The following CHD6 variants were observed in gnomAD, a reference collection of about 807,000 sequenced individuals.
CHD6 encodes the protein ATP-dependent chromatin remodeler CHD6.
CHD6 carries 50 observed loss-of-function variants against 276.9 expected under a neutral mutation model. That is an observed-to-expected ratio of 0.18 (90% CI 0.14 to 0.23). CHD6 has a LOEUF of 0.23. Ranked by LOEUF, CHD6 falls within the 10% of genes least tolerant of loss-of-function variation. The pLI, the probability that CHD6 is intolerant of heterozygous loss-of-function variation, is 1.00. For missense variants in CHD6, 2,564 were observed against 3,365.8 expected (o/e 0.76, Z 5.89); for synonymous variants, 1,173 against 1,229.3 (o/e 0.95, Z 0.96).
chr20:41,443,281 G>C (rs1321741786), intron 25 of CHD6, among the ~76,000 whole-genome samples: 1 of 152,180 alleles, frequency 6.6e-6, no homozygotes, highest in Non-Finnish European at 1.5e-5. Context: ...TCTCCAATAT[G>C]AGACTAAGAG....
chr20:41,468,124 T>G lies in CHD6; in HGVS notation c.2664+5198A>C, dbSNP rs78580316. Among the ~76,000 whole-genome samples, 1,467 of 150,668 alleles carry G rather than the reference T, an allele frequency of 9.7e-3. 17 individuals are homozygous for G. The highest frequency in any genetic ancestry group is 0.027 in the African/African-American group (1,117 of 41,216). ...CCTATCATTCTTTTTTTTTTTTTTT[T>G]GGGAGATGGAGTTTTGCTCTTGTTG... is the stretch of plus-strand genomic sequence containing the variant. On this transcript the variant is annotated intron_variant, in intron 17 of 36. Transcript: ENST00000373233.
intron 3 of CHD6, among the ~76,000 whole-genome samples, chr20:41,517,053 C>G (rs914659071): frequency 6.6e-6 from 1 of 152,166 alleles, no homozygotes; most frequent in African/African-American, 2.4e-5. Flanking sequence ...ACACCCGTCA[C>G]CCTTCATATG....
intron 1 of CHD6, among the ~76,000 whole-genome samples, chr20:41,609,289 AAAAAC>A (rs1168959991): frequency 6.6e-6 from 1 of 152,136 alleles, no homozygotes; most frequent in African/African-American, 2.4e-5. Flanking sequence ...AAACAAAAAC[AAAAAC>A]AAAATACATG....
Position 41,422,046 on chromosome 20 carries a change from A to G in CHD6, c.4589T>C (p.Ile1530Thr). ...PPDTTIYVEPITEERAARTLY... is the reference protein window; with the variant it reads ...PPDTTIYVEPTTEERAARTLY... ...AGTTCTTGCAGCACGTTCCTCAGTG[A>G]TGGGTTCAACGTAGATGGTGGTATC... The change falls in exon 31 of 37, where the codon ATC (isoleucine) becomes ACC (threonine). Residue 1530 changes from isoleucine to threonine, a missense_variant. Physicochemically the swap from Ile to Thr is moderately conservative, Grantham distance 89 (BLOSUM62 -1). Transcript: ENST00000373233. 1 of 1,613,844 alleles carries G rather than the reference A, an allele frequency of 6.2e-7. No individual in the cohort carries two copies.
In CHD6 at chr20:41,517,268, G is replaced by C. The variant is rs180795976; in HGVS notation, c.555-2316C>G. ...ACATAGAGGGGAATGACACACACTA[G>C]GGCCTTTTGGAGGGTGGAGGATGGG... On this transcript the variant is annotated intron_variant, in intron 3 of 36. Coordinates refer to ENST00000373233, the MANE Select transcript of CHD6 (RefSeq NM_032221.5). 1.8e-4 allele frequency among the ~76,000 whole-genome samples: 28 copies of C among 152,232 alleles called. No homozygotes were observed. In the East Asian group the frequency reaches 4.8e-3, roughly 26 times the overall value.
At chr20:41,422,133 C>T (rs1168760292) in intron 30 of CHD6, 54 bp from the exon 31 acceptor site, 10 of 1,532,010 alleles carry the variant, frequency 6.5e-6, no homozygotes, top group Non-Finnish European at 7.9e-6. Context: ...AGACACTCCC[C>T]GCCCACCTGA....
At chr20:41,447,395 A>G (rs557794328) in intron 24 of CHD6, among the ~76,000 whole-genome samples, 1 of 152,306 alleles carries the variant, frequency 6.6e-6, no homozygotes, top group East Asian at 1.9e-4. Context: ...ATCTTGGGAT[A>G]CTCCCACAGG....
Position 41,514,959 on chromosome 20 carries a change from G to T in CHD6, c.555-7C>A, listed in dbSNP as rs2145974863. ...GGTTGGTCCTTGCTCCTTGCTACAA[G>T]GAGAAATTCAGAATTAAAACTGTTG... On this transcript the variant is annotated splice_region_variant and splice_polypyrimidine_tract_variant and intron_variant, in intron 3 of 36. Coordinates refer to ENST00000373233, the MANE Select transcript of CHD6 (RefSeq NM_032221.5). The T allele has an allele frequency of 6.2e-7, 1 of 1,613,334 alleles. No homozygotes were observed. Among genetic ancestry groups the T allele is most frequent in the East Asian group, 2.2e-5 (1 of 44,856 alleles).
In CHD6 at chr20:41,404,609, T is replaced by C. The variant is rs1391312091; in HGVS notation, c.8132A>G (p.Asn2711Ser). Reference protein sequence around the residue: ...QAGEGALKDSNNDTN With the variant: ...QAGEGALKDSSNDTN The stretch of plus-strand genomic sequence containing the variant: ...AAAAAAGTTCTAATTGGTGTCGTTG[T>C]TGGAGTCTTTGAGTGCCCCCTCCCC... Residue 2711 changes from asparagine (N) to serine (S), a missense_variant, in exon 37 of 37, where the codon AAC (asparagine) becomes AGC (serine). Transcript: ENST00000373233. 17 of 1,491,624 alleles carry C rather than the reference T, an allele frequency of 1.1e-5. No homozygotes were observed. Among genetic ancestry groups the C allele is most frequent in the South Asian group, 1.5e-5 (1 of 67,312 alleles). The allele number at this position is 1,491,624 out of a possible 1,614,324, so 92.4% of individuals were successfully genotyped here.
At position 41,413,490 on chromosome 20, in the gene CHD6, G is replaced by C; in HGVS notation, c.6965C>G (p.Ala2322Gly). ...CTCAGGGTGTGTGGTGCTCAAGGTG[G>C]CCTGCCCTGGGTCTTCATGGACTTC... ...ILEVHEDPGQ[A>G]TLSTTHPEGP... The change falls in exon 35 of 37, where the codon GCC (alanine) becomes GGC (glycine). Residue 2322 changes from alanine to glycine, a missense_variant. Around this residue, in one of 7 missense-constraint regions of CHD6, gnomAD observed 1,024 missense variants for 1,047.9 expected, o/e 0.98. Transcript: ENST00000373233. 1 of 1,591,436 alleles carries C rather than the reference G, an allele frequency of 6.3e-7. No individual in the cohort carries two copies.
intron 1 of CHD6, among the ~76,000 whole-genome samples, chr20:41,590,337 T>C (rs2146259305): frequency 6.6e-6 from 1 of 152,196 alleles, no homozygotes; most frequent in South Asian, 2.1e-4. Context: ...CCAAAAGCAA[T>C]GGCAACAAAA....
At chr20:41,497,124 A>T in intron 8 of CHD6, 1 of 405,942 alleles carries the variant, frequency 2.5e-6, no homozygotes, top group Non-Finnish European at 4.6e-6. Flanking sequence ...TATTCCTCTC[A>T]CTCTAGCTAT....
At chr20:41,616,322 C>T (rs986660127) in intron 1 of CHD6, among the ~76,000 whole-genome samples, 1 of 152,080 alleles carries the variant, frequency 6.6e-6, no homozygotes, top group Non-Finnish European at 1.5e-5. Flanking sequence ...TTAAATGTAA[C>T]AGAAGAGCTA....
At chr20:41,527,386 A>C (rs2044567389) in intron 3 of CHD6, among the ~76,000 whole-genome samples, 1 of 151,764 alleles carries the variant, frequency 6.6e-6, no homozygotes, top group African/African-American at 2.4e-5. Context: ...ACACCACTGC[A>C]CTCCAGCCTG....
At chr20:41,468,362 G>A (rs545111093) in intron 17 of CHD6, among the ~76,000 whole-genome samples, 23 of 151,948 alleles carry the variant, frequency 1.5e-4, no homozygotes, top group Non-Finnish European at 2.2e-4. Context: ...TGCCCGCCTC[G>A]GCCTCCCAAA....
intron 23 of CHD6, among the ~76,000 whole-genome samples, chr20:41,449,386 T>C (rs903877045): frequency 6.6e-6 from 1 of 152,212 alleles, no homozygotes; most frequent in Non-Finnish European, 1.5e-5. Context: ...TGAAAATGTC[T>C]GTCTCCCTAA....
chr20:41,463,220 G>T (rs1353140172), intron 17 of CHD6, among the ~76,000 whole-genome samples: 4 of 151,982 alleles, frequency 2.6e-5, no homozygotes, highest in Non-Finnish European at 4.4e-5. Context: ...GGAGAAAAAG[G>T]GAACACTCTT....
Position 41,452,668 on chromosome 20 carries a change from A to G in CHD6, c.3323+72T>C. ...AGGTGACTGGAGAGACATCCTAGAC[A>G]AATCTCAGGGACTGAAAAACAGAGG... On this transcript the variant is annotated intron_variant, in intron 21 of 36. Transcript: ENST00000373233. The surrounding 1 kb of genome is among the most constrained non-coding windows in gnomAD (Gnocchi z 4.2). The G allele has an allele frequency of 7.3e-7, 1 of 1,375,930 alleles. No homozygotes were observed. The highest frequency in any genetic ancestry group is 1.0e-6 in the Non-Finnish European group (1 of 983,612). The allele number at this position is 1,375,930 out of a possible 1,614,324, so 85.2% of individuals were successfully genotyped here. A position where few individuals can be genotyped will look rare whatever the true frequency, so the allele number is the denominator to read the frequency against.
At chr20:41,528,265 T>G (rs971410145) in intron 3 of CHD6, among the ~76,000 whole-genome samples, 1 of 152,142 alleles carries the variant, frequency 6.6e-6, no homozygotes, top group Non-Finnish European at 1.5e-5. Context: ...TGACCCTACA[T>G]GACCTGACCC....
Sources: allele counts gnomAD v4.1 joint callset (sites outside exome capture counted in the v4.1 genomes callset), GRCh38; gene constraint gnomAD v4.1.1; regional missense constraint gnomAD v4.1.1; non-coding constraint Gnocchi (gnomAD v3.1); transcripts MANE v1.5; gene names NCBI Gene and HGNC (gene_info 2026-07-23, HGNC 2026-07-21).